Variants in OPLAH observed in about 807,000 individuals in gnomAD.
OPLAH encodes the protein 5-oxoprolinase.
A neutral mutation model predicts 122.8 loss-of-function variants in OPLAH; 103 were observed. The observed-to-expected ratio is 0.84, with a 90% CI of 0.71 to 0.99. The LOEUF is 0.99. OPLAH is among the 50% of genes least tolerant of loss of function. OPLAH has a pLI of 0.00. For synonymous variants in OPLAH, 875 were observed against 796.0 expected, an observed-to-expected ratio of 1.10 and a Z score of -1.67; for missense variants, 1,902 against 1,836.5, an observed-to-expected ratio of 1.04 and a Z score of -0.65.
Position 144,053,354 on chromosome 8 carries a change from T to C in OPLAH, c.2726A>G (p.Asn909Ser), listed in dbSNP as rs1554758221. The change falls in exon 20 of 27, where the codon AAC (asparagine) becomes AGC (serine). Residue 909 changes from asparagine (N) to serine (S), a missense_variant. Asn to Ser is a conservative substitution (Grantham distance 46). Coordinates refer to ENST00000618853, the MANE Select transcript of OPLAH (RefSeq NM_017570.5). ...GTGCAGGTTTCTGGTTCCGCTGCAG[T>C]TGGGGACCTTGCCTGGCGCCCGCAG... ...EALRAPGKVPNCSGTRNLHDN... is the reference protein window; with the variant it reads ...EALRAPGKVPSCSGTRNLHDN... The C allele has an allele frequency of 1.2e-6, 2 of 1,612,628 alleles. No homozygotes were observed. Among genetic ancestry groups the C allele is most frequent in the Non-Finnish European group, 1.7e-6 (2 of 1,179,722 alleles).
In OPLAH at chr8:144,057,960, G is replaced by A. The variant is rs782315264; in HGVS notation, c.1089-37C>T. ...AAGGGCTGGGGTTGGAGTTGGACAC[G>A]AGGAGGGAGACAGGGCTGGGGTCCC... On this transcript the variant is annotated intron_variant, in intron 8 of 26. Transcript: ENST00000618853. 5.0e-6 allele frequency: 8 copies of A among 1,612,032 alleles called. No individual in the cohort carries two copies. In the Admixed American group the frequency reaches 6.7e-5, roughly 13 times the overall value.
rs142819774 is a variant in OPLAH, at chr8:144,058,227, C to A, written c.949+12G>T. ...TGAGCCTCCCCGAGACCCCAGCCCT[C>A]GGCCCTCATACCTCCCATGTCAAAG... On this transcript the variant is annotated intron_variant, in intron 7 of 26. Coordinates refer to ENST00000618853, the MANE Select transcript of OPLAH (RefSeq NM_017570.5). 2 of 1,605,322 alleles carry A rather than the reference C, an allele frequency of 1.2e-6. No homozygotes were observed. Among genetic ancestry groups the A allele is most frequent in the East Asian group, 2.2e-5 (1 of 44,680 alleles).
chr8:144,051,946 G>C lies in OPLAH; in HGVS notation c.3592C>G (p.Arg1198Gly). ...AGCCCGTATGGCCGGAAGGCGCGGC[G>C]CTCGGTCAGCACTGACAGCAGCGCC... ...EEALLSVLTE[R>G]RAFRPYGLHG... The change falls in exon 25 of 27, where the codon CGC (arginine) becomes GGC (glycine). Residue 1198 changes from arginine (R) to glycine (G), a missense_variant. Transcript: ENST00000618853. The C allele has an allele frequency of 1.3e-6, 2 of 1,550,746 alleles. No homozygotes were observed. The highest frequency in any genetic ancestry group is 1.7e-6 in the Non-Finnish European group (2 of 1,156,534).
chr8:144,055,950 G>C lies in OPLAH; in HGVS notation c.2097-11C>G. The C allele has an allele frequency of 6.4e-7, 1 of 1,552,764 alleles. No individual in the cohort carries two copies. Among genetic ancestry groups the C allele is most frequent in the Non-Finnish European group, 8.7e-7 (1 of 1,145,854 alleles). On this transcript the variant is annotated splice_polypyrimidine_tract_variant and intron_variant, in intron 15 of 26. Transcript: ENST00000618853. The surrounding 1 kb of genome is among the most constrained non-coding windows in gnomAD (Gnocchi z 6.5). ...TCCACCAGGATGGTGCTGGGGAGCA[G>C]AGGGCACAGAGGGCTGCATGGGGCC...
Position 144,057,264 on chromosome 8 carries a change from C to T in OPLAH, c.1479G>A (p.Gly493=). ...CCCGGGCGATGGCACATGCATGCTG[C>T]CCACCAGCTCCCCCAAAGCAGGCCA... ...HVLACFGGAG[G]QHACAIARAL... The change falls in exon 11 of 27, where the codon GGG becomes GGA. Residue 493 remains glycine (G), a synonymous_variant. Transcript: ENST00000618853. 1.9e-6 allele frequency: 3 copies of T among 1,612,426 alleles called. No homozygotes were observed. The highest frequency in any genetic ancestry group is 2.5e-6 in the Non-Finnish European group (3 of 1,179,764).
At chr8:144,053,451 A>T in intron 19 of OPLAH, 58 bp from the exon 20 acceptor site, 1 of 1,509,998 alleles carries the variant, frequency 6.6e-7, no homozygotes, top group Non-Finnish European at 8.9e-7. Context: ...CCCCCAACCC[A>T]GGTTTCCCAG....
In OPLAH at chr8:144,058,780, A is replaced by G; in HGVS notation, c.580T>C (p.Ser194Pro). ...CAGCCCCACCTCACTCACGTGTACG[A>G]GTGCATGAGCACCACAGCCAGGCTG... ...IRSLAVVLMH[S>P]YTWAQHEQQV... Residue 194 changes from serine (S) to proline (P), a missense_variant, in exon 5 of 27, where the codon TCG (serine) becomes CCG (proline). Transcript: ENST00000618853. 1 of 1,602,100 alleles carries G rather than the reference A, an allele frequency of 6.2e-7. No individual in the cohort carries two copies. Among genetic ancestry groups the G allele is most frequent in the Non-Finnish European group, 8.5e-7 (1 of 1,173,240 alleles).
At position 144,060,091 on chromosome 8, in the gene OPLAH, C is replaced by T; in HGVS notation, c.-53-6G>A. 6.4e-7 allele frequency: 1 copy of T among 1,553,224 alleles called. No homozygotes were observed. The highest frequency in any genetic ancestry group is 8.7e-7 in the Non-Finnish European group (1 of 1,148,322). The stretch of plus-strand genomic sequence containing the variant: ...AGCTGGTAGCCCTGGAAAAACTGGA[C>T]GGAGGCGGGGTCAGCCCGGGCTCAC... On this transcript the variant is annotated splice_region_variant and splice_polypyrimidine_tract_variant and intron_variant, in intron 1 of 26. Transcript: ENST00000618853.
Position 144,057,555 on chromosome 8 carries a change from T to G in OPLAH, c.1315A>C (p.Thr439Pro). 6.3e-7 allele frequency: 1 copy of G among 1,588,750 alleles called. No homozygotes were observed. Among genetic ancestry groups the G allele is most frequent in the Non-Finnish European group, 8.6e-7 (1 of 1,168,252 alleles). The change falls in exon 10 of 27, where the codon ACC (threonine) becomes CCC (proline). Residue 439 changes from threonine (T) to proline (P), a missense_variant. Coordinates refer to ENST00000618853, the MANE Select transcript of OPLAH (RefSeq NM_017570.5). ...GGGGAGGCCGGGCAGGGCCCGTTGGTCAGGAAGCTGTTGACCTCAGTGGCC... is the reference window on the plus strand; with the variant it reads ...GGGGAGGCCGGGCAGGGCCCGTTGGGCAGGAAGCTGTTGACCTCAGTGGCC... The part of the protein sequence containing the change: ...AVATEVNSFL[T>P]NGPCPASPLS...
intron 19 of OPLAH, among the ~76,000 whole-genome samples, 167 bp downstream of exon 19, chr8:144,054,394 C>T (rs2129774546): frequency 6.6e-6 from 1 of 152,256 alleles, no homozygotes; most frequent in East Asian, 1.9e-4. Flanking sequence ...TCTCAGCTCC[C>T]GGGATCCGAT....
chr8:144,056,818 G>T, intron 12 of OPLAH, 63 bp from the exon 13 acceptor site: 5 of 1,532,170 alleles, frequency 3.3e-6, no homozygotes, highest in Non-Finnish European at 4.4e-6. Context: ...CCCACCCAGC[G>T]CCCGGCAAGG....
chr8:144,056,490 C>T lies in OPLAH; in HGVS notation c.1878G>A (p.Glu626=). 6.2e-7 allele frequency: 1 copy of T among 1,611,926 alleles called. No individual in the cohort carries two copies. Among genetic ancestry groups the T allele is most frequent in the Non-Finnish European group, 8.5e-7 (1 of 1,179,468 alleles). ...YMREFGFVIP[E]RPVVVDDVRV... is the part of the protein sequence containing the mutation. ...GCACATCGTCCACGACCACCGGCCG[C>T]TCAGGTATGACAAAGCCAAACTCCC... Residue 626 remains glutamate (E), a synonymous_variant, in exon 14 of 27, where the codon GAG becomes GAA. Transcript: ENST00000618853.
intron 13 of OPLAH, 42 bp from the exon 14 acceptor site, chr8:144,056,565 C>T (rs1346751511): frequency 1.2e-6 from 2 of 1,612,250 alleles, no homozygotes; most frequent in East Asian, 2.2e-5. Context: ...CAGAGTGAGG[C>T]GGCCAGACAG....
chr8:144,058,599 C>T lies in OPLAH; in HGVS notation c.680G>A (p.Arg227His), dbSNP rs1466686559. Reference sequence around the variant, plus strand: ...GGCCGTGTGCCCCCGAGGGACGATGCGCACCATGGGCATGGCCTCCGAGGA... The same window carrying T: ...GGCCGTGTGCCCCCGAGGGACGATGTGCACCATGGGCATGGCCTCCGAGGA... ...SLSSEAMPMV[R>H]IVPRGHTACA... The change falls in exon 6 of 27, where the codon CGC (arginine) becomes CAC (histidine). Residue 227 changes from arginine (R) to histidine (H), a missense_variant. Transcript: ENST00000618853. The T allele has an allele frequency of 2.2e-5, 36 of 1,603,028 alleles. No individual in the cohort carries two copies. The highest frequency in any genetic ancestry group is 5.3e-5 in the African/African-American group (4 of 74,918).
Position 144,052,583 on chromosome 8 carries a change from C to A in OPLAH, c.3169G>T (p.Val1057Leu). The change falls in exon 23 of 27, where the codon GTG becomes TTG. Residue 1057 changes from valine (V) to leucine (L), a missense_variant. Coordinates refer to ENST00000618853, the MANE Select transcript of OPLAH (RefSeq NM_017570.5). ...IPLNQGCLAPVRVVIPRGSIL... is the reference protein window; with the variant it reads ...IPLNQGCLAPLRVVIPRGSIL... ...GAGCCTCGGGGAATGACCACGCGCA[C>A]TGGCGCCAGGCAGCCCTGTGCGGGG... 6.3e-7 allele frequency: 1 copy of A among 1,596,352 alleles called. No homozygotes were observed. The highest frequency in any genetic ancestry group is 1.1e-5 in the South Asian group (1 of 90,152).
In OPLAH at chr8:144,058,578, G is replaced by T; in HGVS notation, c.701C>A (p.Thr234Lys). The stretch of plus-strand genomic sequence containing the variant: ...CGTGAGGTAGGCGTCGGCACAGGCC[G>T]TGTGCCCCCGAGGGACGATGCGCAC... ...PMVRIVPRGH[T>K]ACADAYLTPA... is the part of the protein sequence containing the mutation. The change falls in exon 6 of 27, where the codon ACG becomes AAG. Residue 234 changes from threonine (T) to lysine (K), a missense_variant. This residue lies in a region of OPLAH where 1,726 missense variants were observed against 1,642.1 expected (regional missense o/e 1.05). Coordinates refer to ENST00000618853, the MANE Select transcript of OPLAH (RefSeq NM_017570.5). 1 of 1,602,162 alleles carries T rather than the reference G, an allele frequency of 6.2e-7. No homozygotes were observed. The highest frequency in any genetic ancestry group is 8.5e-7 in the Non-Finnish European group (1 of 1,179,216).
intron 19 of OPLAH, among the ~76,000 whole-genome samples, chr8:144,053,979 C>T (rs1215314926): frequency 2.4e-5 from 3 of 127,566 alleles, no homozygotes; most frequent in African/African-American, 8.7e-5. Flanking sequence ...TCCCCCACCC[C>T]CCGCCCTCGC....
intron 3 of OPLAH, 92 bp from the exon 4 acceptor site, chr8:144,059,171 C>T (rs185270455): frequency 2.8e-6 from 3 of 1,056,942 alleles, no homozygotes; most frequent in Admixed American, 4.6e-5. Context: ...GTGGCTGTGT[C>T]CCAACAGGCC....
intron 15 of OPLAH, 88 bp from the exon 16 acceptor site, chr8:144,056,027 C>A: frequency 6.7e-7 from 1 of 1,492,038 alleles, no homozygotes; most frequent in East Asian, 2.4e-5. Context: ...AGGGGCCACC[C>A]CAACGATGGT....
Sources: gnomAD v4.1 joint callset for allele counts (sites outside exome capture counted in the v4.1 genomes callset) on GRCh38, gnomAD v4.1.1 for gene constraint, gnomAD v4.1.1 regional missense constraint, Gnocchi (gnomAD v3.1) non-coding constraint, MANE v1.5 for transcripts, NCBI Gene and HGNC (gene_info 2026-07-23, HGNC 2026-07-21) for gene names.